The following GLRA2 variants were observed in gnomAD, a reference collection of about 807,000 sequenced individuals.
GLRA2 encodes glycine receptor subunit alpha-2.
In GLRA2, 11 loss-of-function variants were observed where a neutral mutation model predicts 31.6. The ratio of observed to expected loss-of-function variants is 0.35; its 90% CI spans 0.22 to 0.58. The LOEUF (loss-of-function observed/expected upper bound fraction) is 0.58. Ranked by LOEUF, GLRA2 falls within the 20% of genes least tolerant of loss-of-function variation. The pLI, the probability that GLRA2 is intolerant of heterozygous loss-of-function variation, is 0.84. For missense variants in GLRA2, 212 were observed against 351.8 expected, an observed-to-expected ratio of 0.60 and a Z score of 3.18; for synonymous variants, 132 against 134.0, an observed-to-expected ratio of 0.99 and a Z score of 0.10.
chrX:14,642,792 C>T (rs901531221), intron 7 of GLRA2, among the ~76,000 whole-genome samples: 2 of 110,986 alleles, frequency 1.8e-5, no homozygotes, highest in Non-Finnish European at 3.8e-5. Flanking sequence ...TCTTATTGAT[C>T]AGGTATGGTA....
At chrX:14,703,278 G>A (rs941414742) in intron 8 of GLRA2, among the ~76,000 whole-genome samples, 1 of 111,452 alleles carries the variant, frequency 9.0e-6, no homozygotes, top group Non-Finnish European at 1.9e-5. Flanking sequence ...TTCTAGGGGA[G>A]AATCTGATTT....
At chrX:14,654,947 T>C (rs1032296674) in intron 7 of GLRA2, among the ~76,000 whole-genome samples, 2 of 111,080 alleles carry the variant, frequency 1.8e-5, no homozygotes, top group Non-Finnish European at 3.8e-5. Flanking sequence ...GTGAGACTTA[T>C]TCACTACCAC....
chrX:14,577,015 A>G (rs981960206), intron 3 of GLRA2, among the ~76,000 whole-genome samples: 1 of 112,916 alleles, frequency 8.9e-6, no homozygotes, highest in African/African-American at 3.2e-5. Flanking sequence ...TTGGAACTCT[A>G]TCATGCTTGT....
At chrX:14,698,799 G>A (rs1273866305) in intron 8 of GLRA2, among the ~76,000 whole-genome samples, 1 of 109,414 alleles carries the variant, frequency 9.1e-6, no homozygotes, top group Admixed American at 9.8e-5. Context: ...ATTTTAGAAG[G>A]TATAACAAAA....
At chrX:14,566,204 A>G (rs763519854) in intron 2 of GLRA2, among the ~76,000 whole-genome samples, 1 of 112,044 alleles carries the variant, frequency 8.9e-6, no homozygotes, top group South Asian at 3.7e-4. Flanking sequence ...GATGAAATGA[A>G]CAAATAAGTA....
rs779102826 is a variant in GLRA2 at position 14,544,222 on chromosome X, GAGAAA to G, written c.202+11856_202+11860del. Among the ~76,000 whole-genome samples, 511 of 111,891 alleles carry G rather than the reference GAGAAA, an allele frequency of 4.6e-3. 3 individuals are homozygous for G. The highest frequency in any genetic ancestry group is 8.2e-3 in the Non-Finnish European group (436 of 52,986). ...AAACAGTGGCATTTTGAAAAGCATA[GAGAAA>G]AGAAATTAGTCAATACATCAAAATA... On this transcript the variant is annotated intron_variant, in intron 2 of 8. Transcript: ENST00000218075.
chrX:14,665,429 A>G (rs1335555592), intron 7 of GLRA2, among the ~76,000 whole-genome samples: 1 of 112,071 alleles, frequency 8.9e-6, no homozygotes, highest in Non-Finnish European at 1.9e-5. Flanking sequence ...TGATTTAGAA[A>G]GTTGTCTCAG....
Position 14,721,653 on chromosome X carries a change from C to T in GLRA2, c.1081-8554C>T, listed in dbSNP as rs1460346732. Among the ~76,000 whole-genome samples, 3 of 111,349 alleles carry T rather than the reference C, an allele frequency of 2.7e-5. No individual in the cohort carries two copies. The Admixed American group carries it at 2.9e-4, about 11-fold the overall frequency. On this transcript the variant is annotated intron_variant, in intron 8 of 8. Transcript: ENST00000218075. ...TTTAACAAAGAATCGTACAGTCCCA[C>T]CCTGTATATGATTTTTTCCCCTGAG...
In GLRA2 at chrX:14,731,172, A is replaced by C. The variant is rs1569528396; in HGVS notation, c.*687A>C. 1 of 112,397 alleles carries C rather than the reference A, an allele frequency of 8.9e-6. No individual in the cohort carries two copies. The highest frequency in any genetic ancestry group is 1.9e-5 in the Non-Finnish European group (1 of 53,347). 9.3% of individuals were successfully genotyped at this position (112,397 alleles called of 1,213,427 possible). On this transcript the variant is annotated 3_prime_UTR_variant, in exon 9 of 9. Coordinates refer to ENST00000218075, the MANE Select transcript of GLRA2 (RefSeq NM_002063.4). ...CAATGACAAAATAAACACCAATGAC[A>C]GAAAAATTTCTACTTTACTGTCCAT...
chrX:14,507,763 A>G, the GLRA2 span, among the ~76,000 whole-genome samples: 399 of 88,594 alleles, frequency 4.5e-3, 1 homozygote, highest in Non-Finnish European at 5.8e-3. Flanking sequence ...TGGCACAATC[A>G]GCTCACTGCA....
intron 8 of GLRA2, among the ~76,000 whole-genome samples, chrX:14,696,354 AAG>A (rs774331486): frequency 4.1e-4 from 46 of 110,953 alleles, no homozygotes; most frequent in Middle Eastern, 4.6e-3. Flanking sequence ...AAGAGAGAGA[AAG>A]AGAGAGACTC....
the GLRA2 span, among the ~76,000 whole-genome samples, chrX:14,467,951 T>A: frequency 9.0e-6 from 1 of 111,434 alleles, no homozygotes; most frequent in Non-Finnish European, 1.9e-5. Context: ...GCTTCTTAAG[T>A]GGGTCAATAG....
At chrX:14,564,237 G>A (rs886416353) in intron 2 of GLRA2, among the ~76,000 whole-genome samples, 1 of 110,123 alleles carries the variant, frequency 9.1e-6, no homozygotes, top group African/African-American at 3.3e-5. Context: ...TACATACATG[G>A]GATCCCTAGT....
chrX:14,623,053 CA>C (rs1265800654), intron 7 of GLRA2, among the ~76,000 whole-genome samples: 1 of 111,527 alleles, frequency 9.0e-6, no homozygotes, highest in East Asian at 2.8e-4. Flanking sequence ...TCTCCTTGAA[CA>C]GGTCCCTCGC....
the GLRA2 span, among the ~76,000 whole-genome samples, chrX:14,507,500 T>G: frequency 9.1e-6 from 1 of 110,335 alleles, no homozygotes; most frequent in South Asian, 3.9e-4. Flanking sequence ...GATGCTTGTT[T>G]GTTACTGGTC....
At chrX:14,546,177 C>A (rs1349713709) in intron 2 of GLRA2, among the ~76,000 whole-genome samples, 1 of 111,562 alleles carries the variant, frequency 9.0e-6, no homozygotes, top group Non-Finnish European at 1.9e-5. Flanking sequence ...CATGCTTAAC[C>A]TGATCTTTAT....
At chrX:14,702,110 G>A (rs1426630306) in intron 8 of GLRA2, among the ~76,000 whole-genome samples, 12 of 111,745 alleles carry the variant, frequency 1.1e-4, no homozygotes, top group Admixed American at 6.6e-4. Context: ...CTGAGGAAAC[G>A]GTTATGCAGA....
intron 7 of GLRA2, among the ~76,000 whole-genome samples, chrX:14,665,153 G>A (rs1402391971): frequency 8.9e-6 from 1 of 111,781 alleles, no homozygotes; most frequent in Non-Finnish European, 1.9e-5. Context: ...ATTCCAATTA[G>A]GCCAGTCTCA....
chrX:14,563,783 A>G (rs1193651455), intron 2 of GLRA2, among the ~76,000 whole-genome samples: 1 of 111,917 alleles, frequency 8.9e-6, no homozygotes, highest in Admixed American at 9.5e-5. Context: ...ATAAATTGTA[A>G]AAAAAATTCT....
Sources: gnomAD v4.1 joint callset for allele counts (sites outside exome capture counted in the v4.1 genomes callset) on GRCh38, gnomAD v4.1.1 for gene constraint, MANE v1.5 for transcripts, NCBI Gene and HGNC (gene_info 2026-07-23, HGNC 2026-07-21) for gene names.